Variants in METTL15 observed in about 807,000 individuals in gnomAD.
METTL15 encodes 12S rRNA N(4)-cytidine methyltransferase METTL15.
In METTL15, 34 loss-of-function variants were observed where a neutral mutation model predicts 38.3. The observed-to-expected ratio is 0.89, with a 90% CI of 0.68 to 1.18. METTL15 has a LOEUF of 1.18. METTL15 is among the 50% of genes most tolerant of loss of function. The pLI is 0.00. For synonymous variants in METTL15, 162 were observed against 170.9 expected, an observed-to-expected ratio of 0.95 and a Z score of 0.41; for missense variants, 438 against 498.4, an observed-to-expected ratio of 0.88 and a Z score of 1.15.
chr11:28,223,512 C>T (rs1287752116), intron 4 of METTL15, among the ~76,000 whole-genome samples: 2 of 152,020 alleles, frequency 1.3e-5, no homozygotes, highest in African/African-American at 2.4e-5. Context: ...TGTAGTAGGG[C>T]ACAGAATGAA....
chr11:28,252,738 G>T (rs1854799007), intron 4 of METTL15, among the ~76,000 whole-genome samples: 1 of 151,758 alleles, frequency 6.6e-6, no homozygotes, highest in Non-Finnish European at 1.5e-5. Context: ...ATGCTCTCAG[G>T]ATCCCATATT....
At chr11:28,389,363 T>C (rs929040764) in intron 5 of METTL15, among the ~76,000 whole-genome samples, 2 of 146,594 alleles carry the variant, frequency 1.4e-5, no homozygotes, top group Non-Finnish European at 3.0e-5. Context: ...GTAAATCTCC[T>C]AATGCTGTCC....
chr11:28,302,220 T>A (rs1405159063), intron 6 of METTL15, among the ~76,000 whole-genome samples: 4 of 152,182 alleles, frequency 2.6e-5, no homozygotes, highest in Non-Finnish European at 4.4e-5. Context: ...CTCCTGGCAA[T>A]ACTTTTTCAA....
intron 5 of METTL15, among the ~76,000 whole-genome samples, chr11:28,293,470 A>G (rs995585205): frequency 6.6e-5 from 10 of 152,200 alleles, no homozygotes; most frequent in Admixed American, 2.0e-4. Flanking sequence ...CTTGTAGTAT[A>G]GTTTGAAGTC....
chr11:28,154,537 T>C (rs545566915), intron 3 of METTL15, among the ~76,000 whole-genome samples: 8 of 152,226 alleles, frequency 5.3e-5, no homozygotes, highest in Non-Finnish European at 1.2e-4. Context: ...ATGGAATAAG[T>C]GTATGAAAAA....
chr11:28,450,802 G>A (rs959886215), intron 6 of METTL15, among the ~76,000 whole-genome samples: 1 of 152,136 alleles, frequency 6.6e-6, no homozygotes, highest in Admixed American at 6.5e-5. Context: ...AATCCTGAAA[G>A]GTAAAGAACC....
intron 3 of METTL15, among the ~76,000 whole-genome samples, chr11:28,165,360 C>T (rs1313716210): frequency 6.6e-6 from 1 of 151,992 alleles, no homozygotes; most frequent in African/African-American, 2.4e-5. Context: ...TTTTCATCTT[C>T]TTGTTAATAG....
At chr11:28,375,433 G>T (rs1850298194) in intron 5 of METTL15, among the ~76,000 whole-genome samples, 5 of 151,952 alleles carry the variant, frequency 3.3e-5, no homozygotes, top group Admixed American at 2.6e-4. Context: ...ATTTCTTCTA[G>T]ATTTTCTAGT....
intron 5 of METTL15, among the ~76,000 whole-genome samples, chr11:28,406,735 G>A (rs540786508): frequency 5.9e-5 from 9 of 152,150 alleles, no homozygotes; most frequent in Non-Finnish European, 1.2e-4. Flanking sequence ...AATAGGAGTG[G>A]TGAGAGAGGG....
At chr11:28,446,722 T>A (rs560729071) in intron 6 of METTL15, among the ~76,000 whole-genome samples, 2 of 152,276 alleles carry the variant, frequency 1.3e-5, no homozygotes, top group South Asian at 4.1e-4. Context: ...CTAGTCATCT[T>A]TTTCTTTTTT....
At chr11:28,134,721 C>T (rs1849457652) in intron 3 of METTL15, 1 of 396,630 alleles carries the variant, frequency 2.5e-6, no homozygotes, top group Non-Finnish European at 4.4e-6. Context: ...AGTTTAATGG[C>T]CTCCAAGCAA....
intron 4 of METTL15, among the ~76,000 whole-genome samples, chr11:28,216,166 G>A (rs1302807947): frequency 1.3e-5 from 2 of 151,830 alleles, no homozygotes. Flanking sequence ...TTTGTATGGG[G>A]CAAAAAGTGA....
intron 4 of METTL15, among the ~76,000 whole-genome samples, chr11:28,215,673 A>C (rs1408912034): frequency 1.3e-5 from 2 of 152,204 alleles, no homozygotes; most frequent in African/African-American, 4.8e-5. Context: ...AATGTTTTTG[A>C]AGGGCATACA....
At chr11:28,412,451 G>A (rs1042864285) in intron 5 of METTL15, among the ~76,000 whole-genome samples, 3 of 151,788 alleles carry the variant, frequency 2.0e-5, no homozygotes, top group Non-Finnish European at 4.4e-5. Context: ...AAACGAGAGA[G>A]AGAGAGAGAG....
chr11:28,285,981 T>C (rs1856246179), intron 4 of METTL15, among the ~76,000 whole-genome samples: 1 of 152,090 alleles, frequency 6.6e-6, no homozygotes, highest in Non-Finnish European at 1.5e-5. Flanking sequence ...AATCTACCTC[T>C]TGAGCAGAGA....
chr11:28,194,136 C>CTTTCTTTCTTTCTTTCTTTA, intron 3 of METTL15, among the ~76,000 whole-genome samples: 1 of 113,464 alleles, frequency 8.8e-6, no homozygotes, highest in East Asian at 2.9e-4. Flanking sequence ...TTCTTTCTTT[C>CTTTCTTTCTTTCTTTCTTTA]TTTCTTTCTT....
At chr11:28,131,289 A>T (rs1590776594) in intron 3 of METTL15, among the ~76,000 whole-genome samples, 1 of 152,276 alleles carries the variant, frequency 6.6e-6, no homozygotes, top group East Asian at 1.9e-4. Context: ...GCCATGAGGC[A>T]AGGTGGTAAA....
chr11:28,376,255 T>C (rs1333999718), intron 5 of METTL15, among the ~76,000 whole-genome samples: 1 of 152,150 alleles, frequency 6.6e-6, no homozygotes, highest in African/African-American at 2.4e-5. Context: ...CTGTCTAATG[T>C]TGACAGTGGG....
chr11:28,186,492 T>C (rs910570487), intron 3 of METTL15, among the ~76,000 whole-genome samples: 3 of 151,190 alleles, frequency 2.0e-5, no homozygotes, highest in South Asian at 2.1e-4. Context: ...AAAAGTTATT[T>C]TACTGGTTAA....
Sources: allele counts gnomAD v4.1 joint callset (sites outside exome capture counted in the v4.1 genomes callset), GRCh38; gene constraint gnomAD v4.1.1; transcripts MANE v1.5; gene names NCBI Gene and HGNC (gene_info 2026-07-23, HGNC 2026-07-21).